The following IRS1 variants were observed in gnomAD, a reference collection of about 807,000 sequenced individuals.
IRS1 encodes insulin receptor substrate 1.
In IRS1, 34 loss-of-function variants were observed where a neutral mutation model predicts 65.6. That is an observed-to-expected ratio of 0.52 (90% CI 0.39 to 0.69). IRS1 has a LOEUF of 0.69. Ranked by LOEUF, IRS1 falls within the 30% of genes least tolerant of loss-of-function variation. IRS1 has a pLI of 0.00. For synonymous variants in IRS1, 699 were observed against 683.5 expected (o/e 1.02, Z -0.35); for missense variants, 1,641 against 1,720.2 (o/e 0.95, Z 0.81).
chr2:226,792,859 G>A (rs1277748546), intron 1 of IRS1, among the ~76,000 whole-genome samples: 2 of 152,054 alleles, frequency 1.3e-5, no homozygotes, highest in African/African-American at 2.4e-5. Context: ...GACTCAACAG[G>A]GCACAGGCAA....
chr2:226,739,848 A>C (rs1339825436), intron 1 of IRS1, among the ~76,000 whole-genome samples: 1 of 152,262 alleles, frequency 6.6e-6, no homozygotes, highest in Non-Finnish European at 1.5e-5. Flanking sequence ...AAAAGAAAAA[A>C]GCAATGCCCA....
At chr2:226,779,299 T>C (rs146071325) in intron 1 of IRS1, among the ~76,000 whole-genome samples, 455 of 152,368 alleles carry the variant, frequency 3.0e-3, no homozygotes, top group Non-Finnish European at 3.9e-3. Context: ...AAAACTTTAT[T>C]TTCCTGAATA....
Position 226,797,355 on chromosome 2 carries a change from G to C in IRS1, c.1384C>G (p.Leu462Val). Residue 462 changes from leucine to valine, a missense_variant, in exon 1 of 2, where the codon CTA becomes GTA. Transcript: ENST00000305123. This position sits in a 1 kb window ranked among gnomAD's most constrained non-coding sequence, Gnocchi z 8.1. ...CCACCCATGCAGATATAGTTGCTTA[G>C]CTCCTCCTCACCGCGGGCTGGTGGG... ...HTPPARGEEE[L>V]SNYICMGGKG... 6.2e-7 allele frequency: 1 copy of C among 1,613,314 alleles called. No individual in the cohort carries two copies. The highest frequency in any genetic ancestry group is 8.5e-7 in the Non-Finnish European group (1 of 1,179,910).
At chr2:226,745,408 G>A (rs1938521036) in intron 1 of IRS1, among the ~76,000 whole-genome samples, 2 of 152,184 alleles carry the variant, frequency 1.3e-5, no homozygotes, top group African/African-American at 2.4e-5. Context: ...AATGAAGATG[G>A]AACTATTACA....
At position 226,797,064 on chromosome 2, in the gene IRS1, G is replaced by A. The variant is rs1939745191; in HGVS notation, c.1675C>T (p.Pro559Ser). 4 of 1,612,076 alleles carry A rather than the reference G, an allele frequency of 2.5e-6. No individual in the cohort carries two copies. Among genetic ancestry groups the A allele is most frequent in the Non-Finnish European group, 3.4e-6 (4 of 1,179,050 alleles). The change falls in exon 1 of 2, where the codon CCA (proline) becomes TCA (serine). Residue 559 changes from proline (P) to serine (S), a missense_variant. Around this residue, in one of 3 missense-constraint regions of IRS1, gnomAD observed 1,324 missense variants for 1,361.0 expected, o/e 0.97. Transcript: ENST00000305123. The surrounding 1 kb of genome is among the most constrained non-coding windows in gnomAD (Gnocchi z 8.1). ...EEYTEMMPAY[P>S]PGGGSGGRLP... ...CGGCCTCCACTGCCACCTCCTGGTG[G>A]GTAGGCAGGCATCATCTCTGTGTAC... is the stretch of plus-strand genomic sequence containing the variant.
chr2:226,777,602 G>A (rs1939298688), intron 1 of IRS1, among the ~76,000 whole-genome samples: 2 of 152,188 alleles, frequency 1.3e-5, no homozygotes, highest in Admixed American at 6.5e-5. Flanking sequence ...TGTTATGAGA[G>A]GGACCCTTTG....
intron 1 of IRS1, among the ~76,000 whole-genome samples, chr2:226,745,951 C>A (rs1157504479): frequency 6.6e-6 from 1 of 152,088 alleles, no homozygotes; most frequent in Non-Finnish European, 1.5e-5. Flanking sequence ...GTAAAAGTAG[C>A]AGTAGTAGTA....
intron 1 of IRS1, among the ~76,000 whole-genome samples, chr2:226,791,240 G>A (rs1939589345): frequency 6.6e-6 from 1 of 152,086 alleles, no homozygotes. Context: ...GTTGAGGGGG[G>A]CGGGCAGGAA....
In IRS1 at chr2:226,799,703, C is replaced by T; in HGVS notation, c.-965G>A. On this transcript the variant is annotated 5_prime_UTR_variant, in exon 1 of 2. Coordinates refer to ENST00000305123, the MANE Select transcript of IRS1 (RefSeq NM_005544.3). The surrounding 1 kb of genome is among the most constrained non-coding windows in gnomAD (Gnocchi z 6.1). Reference sequence around the variant, plus strand: ...CTCGGAGAGTTGCCGAGAGCCCCAACCAAAACAAGCGGCGGCGTCTGGCTC... The same window carrying T: ...CTCGGAGAGTTGCCGAGAGCCCCAATCAAAACAAGCGGCGGCGTCTGGCTC... The T allele has an allele frequency of 2.0e-6, 2 of 1,000,058 alleles. No individual in the cohort carries two copies. Among genetic ancestry groups the T allele is most frequent in the Non-Finnish European group, 2.4e-6 (2 of 830,166 alleles). The allele number at this position is 1,000,058 out of a possible 1,614,324, so 61.9% of individuals were successfully genotyped here.
intron 1 of IRS1, among the ~76,000 whole-genome samples, chr2:226,793,040 A>G (rs1397522829): frequency 6.6e-6 from 1 of 152,176 alleles, no homozygotes; most frequent in East Asian, 1.9e-4. Flanking sequence ...ATTCCAGAAT[A>G]TTTTATTTTC....
intron 1 of IRS1, among the ~76,000 whole-genome samples, chr2:226,754,803 A>G (rs1938762480): frequency 2.0e-5 from 3 of 152,242 alleles, no homozygotes; most frequent in African/African-American, 7.2e-5. Flanking sequence ...CATTTCACTT[A>G]ATAGGCACTT....
intron 1 of IRS1, among the ~76,000 whole-genome samples, chr2:226,770,119 AG>A (rs1939135724): frequency 6.6e-6 from 1 of 152,240 alleles, no homozygotes; most frequent in African/African-American, 2.4e-5. Flanking sequence ...ACCAGTGTTC[AG>A]AAAGTATTTT....
rs566798880 is a variant in IRS1 at position 226,732,279 on chromosome 2, T to C, written c.*3993A>G. On this transcript the variant is annotated 3_prime_UTR_variant, in exon 2 of 2. Coordinates refer to ENST00000305123, the MANE Select transcript of IRS1 (RefSeq NM_005544.3). ...ACGGAAGGACCACAAAGATCTTCTGTGGCGCTGCCTCAGAAAGGACCCATG... is the reference window on the plus strand; with the variant it reads ...ACGGAAGGACCACAAAGATCTTCTGCGGCGCTGCCTCAGAAAGGACCCATG... 1 of 152,112 alleles carries C rather than the reference T, an allele frequency of 6.6e-6. No homozygotes were observed. Among genetic ancestry groups the C allele is most frequent in the South Asian group, 2.1e-4 (1 of 4,808 alleles). 9.4% of individuals were successfully genotyped at this position (152,112 alleles called of 1,614,324 possible). A position where few individuals can be genotyped will look rare whatever the true frequency, so the allele number is the denominator to read the frequency against.
In IRS1 at chr2:226,796,566, G is replaced by T; in HGVS notation, c.2173C>A (p.Leu725Ile). 6.2e-7 allele frequency: 1 copy of T among 1,614,054 alleles called. No individual in the cohort carries two copies. Among genetic ancestry groups the T allele is most frequent in the Non-Finnish European group, 8.5e-7 (1 of 1,180,000 alleles). Reference protein sequence around the residue: ...KPPVESSGGKLLPCTGDYMNM... With the variant: ...KPPVESSGGKILPCTGDYMNM... ...ATGTAGTCACCTGTGCAAGGTAAGA[G>T]CTTACCACCGCTGCTCTCCACTGGG... The change falls in exon 1 of 2, where the codon CTC becomes ATC. Residue 725 changes from leucine to isoleucine, a missense_variant. Physicochemically the swap from Leu to Ile is conservative, Grantham distance 5 (BLOSUM62 2). Coordinates refer to ENST00000305123, the MANE Select transcript of IRS1 (RefSeq NM_005544.3).
chr2:226,744,942 A>T, intron 1 of IRS1, among the ~76,000 whole-genome samples: 1 of 151,098 alleles, frequency 6.6e-6, no homozygotes, highest in South Asian at 2.1e-4. Flanking sequence ...CTGTTCTTTA[A>T]AAAAAAAAAC....
chr2:226,797,380 G>C lies in IRS1; in HGVS notation c.1359C>G (p.Thr453=). 1 of 1,612,922 alleles carries C rather than the reference G, an allele frequency of 6.2e-7. No homozygotes were observed. The highest frequency in any genetic ancestry group is 8.5e-7 in the Non-Finnish European group (1 of 1,179,654). Residue 453 remains threonine, a synonymous_variant, in exon 1 of 2, where the codon ACC becomes ACG. Coordinates refer to ENST00000305123, the MANE Select transcript of IRS1 (RefSeq NM_005544.3). The surrounding 1 kb of genome is among the most constrained non-coding windows in gnomAD (Gnocchi z 8.1). ...RSVTPDSLGH[T]PPARGEEELS... ...GCTCCTCCTCACCGCGGGCTGGTGGGGTGTGGCCCAGGGAATCCGGAGTGA... is the reference window on the plus strand; with the variant it reads ...GCTCCTCCTCACCGCGGGCTGGTGGCGTGTGGCCCAGGGAATCCGGAGTGA...
At chr2:226,771,106 T>C (rs986984942) in intron 1 of IRS1, among the ~76,000 whole-genome samples, 7 of 152,094 alleles carry the variant, frequency 4.6e-5, no homozygotes, top group Non-Finnish European at 7.4e-5. Context: ...ACGTTGGTAG[T>C]GTGGGCTGTG....
chr2:226,796,412 C>A lies in IRS1; in HGVS notation c.2327G>T (p.Arg776Leu), dbSNP rs201429535. ...SLPRSFKHTQRPGEPEEGARH... is the reference protein window; with the variant it reads ...SLPRSFKHTQLPGEPEEGARH... ...GGCACCCTCCTCCGGCTCCCCGGGG[C>A]GCTGGGTGTGCTTAAAGGATCTTGG... is the stretch of plus-strand genomic sequence containing the variant. The change falls in exon 1 of 2, where the codon CGC (arginine) becomes CTC (leucine). Residue 776 changes from arginine (R) to leucine (L), a missense_variant. Arg to Leu is a moderately radical substitution (Grantham distance 102). Transcript: ENST00000305123. The A allele has an allele frequency of 4.3e-6, 7 of 1,613,434 alleles. No homozygotes were observed. The East Asian group carries it at 1.3e-4, about 31-fold the overall frequency.
Position 226,797,457 on chromosome 2 carries a change from A to T in IRS1, c.1282T>A (p.Ser428Thr). Residue 428 changes from serine to threonine, a missense_variant, in exon 1 of 2, where the codon TCG becomes ACG. This residue lies in a region of IRS1 where 1,324 missense variants were observed against 1,361.0 expected (regional missense o/e 0.97). Coordinates refer to ENST00000305123, the MANE Select transcript of IRS1 (RefSeq NM_005544.3). This position sits in a 1 kb window ranked among gnomAD's most constrained non-coding sequence, Gnocchi z 8.1. ...GSPSDGGFIS[S>T]DEYGSSPCDF... Reference sequence around the variant, plus strand: ...CAGGGACTGGAGCCATACTCATCCGAGGAGATGAAACCGCCATCGCTGGGG... The same window carrying T: ...CAGGGACTGGAGCCATACTCATCCGTGGAGATGAAACCGCCATCGCTGGGG... 5 of 1,613,554 alleles carry T rather than the reference A, an allele frequency of 3.1e-6. No individual in the cohort carries two copies. Among genetic ancestry groups the T allele is most frequent in the Non-Finnish European group, 4.2e-6 (5 of 1,179,964 alleles).
Sources: gnomAD v4.1 joint callset for allele counts (sites outside exome capture counted in the v4.1 genomes callset) on GRCh38, gnomAD v4.1.1 for gene constraint, gnomAD v4.1.1 regional missense constraint, Gnocchi (gnomAD v3.1) non-coding constraint, MANE v1.5 for transcripts, NCBI Gene and HGNC (gene_info 2026-07-23, HGNC 2026-07-21) for gene names.